The following CDYL2 variants were observed in gnomAD, a reference collection of about 807,000 sequenced individuals.
CDYL2 encodes chromodomain Y-like protein 2.
A neutral mutation model predicts 49.4 loss-of-function variants in CDYL2; 23 were observed. That is an observed-to-expected ratio of 0.47 (90% CI 0.34 to 0.66). CDYL2 has a LOEUF of 0.66. CDYL2 is among the 30% of genes least tolerant of loss of function. CDYL2 has a pLI of 0.01. For synonymous variants in CDYL2, 360 were observed against 268.8 expected (o/e 1.34, Z -3.32); for missense variants, 678 against 656.4 (o/e 1.03, Z -0.36).
intron 3 of CDYL2, among the ~76,000 whole-genome samples, chr16:80,622,514 T>C (rs1338348648): frequency 1.3e-5 from 2 of 152,216 alleles, no homozygotes; most frequent in Non-Finnish European, 2.9e-5. Flanking sequence ...TTGTCCACAC[T>C]TGCTCAACTG....
intron 1 of CDYL2, among the ~76,000 whole-genome samples, chr16:80,725,115 G>A (rs1905122256): frequency 1.3e-5 from 2 of 152,046 alleles, no homozygotes; most frequent in South Asian, 2.1e-4. Context: ...CAGAGCCTTG[G>A]TGGGCATTGT....
At chr16:80,711,225 A>G (rs1904584527) in intron 1 of CDYL2, among the ~76,000 whole-genome samples, 1 of 152,198 alleles carries the variant, frequency 6.6e-6, no homozygotes. Context: ...TTTCTGGACA[A>G]AGCAGATGGC....
chr16:80,789,498 G>A (rs559171772), intron 1 of CDYL2, among the ~76,000 whole-genome samples: 6 of 152,188 alleles, frequency 3.9e-5, no homozygotes, highest in African/African-American at 1.4e-4. Flanking sequence ...TACTCAGGAG[G>A]CTGAGGCAGA....
intron 1 of CDYL2, among the ~76,000 whole-genome samples, chr16:80,756,378 G>T (rs889879850): frequency 5.3e-5 from 8 of 151,858 alleles, no homozygotes; most frequent in African/African-American, 1.9e-4. Flanking sequence ...ATTTAACAAG[G>T]GAATTTGTTA....
chr16:80,773,486 G>C (rs1285105684), intron 1 of CDYL2, among the ~76,000 whole-genome samples: 1 of 152,036 alleles, frequency 6.6e-6, no homozygotes, highest in Admixed American at 6.6e-5. Context: ...ATATAATCTT[G>C]ACCTAAAACA....
chr16:80,725,209 T>TACAC (rs369481037), intron 1 of CDYL2, among the ~76,000 whole-genome samples: 1 of 147,468 alleles, frequency 6.8e-6, no homozygotes, highest in African/African-American at 2.5e-5. Flanking sequence ...CACACACACA[T>TACAC]ACACACACAC....
chr16:80,675,219 T>C (rs1424475199), intron 2 of CDYL2, among the ~76,000 whole-genome samples: 1 of 152,182 alleles, frequency 6.6e-6, no homozygotes, highest in Non-Finnish European at 1.5e-5. Flanking sequence ...TTTACAAAAC[T>C]GGTCACAGAC....
intron 1 of CDYL2, among the ~76,000 whole-genome samples, chr16:80,775,968 CAGTAACACTGCAAAAGA>C (rs1907068974): frequency 6.6e-6 from 1 of 151,664 alleles, no homozygotes; most frequent in Non-Finnish European, 1.5e-5. Context: ...CACAAAAATT[CAGTAACACTGCAAAAGA>C]AGTTACGTAT....
intron 1 of CDYL2, among the ~76,000 whole-genome samples, chr16:80,719,326 A>G (rs1001965637): frequency 2.0e-5 from 3 of 152,204 alleles, no homozygotes; most frequent in Non-Finnish European, 4.4e-5. Flanking sequence ...CTAACTGCTC[A>G]GTGCCTCCGT....
chr16:80,797,253 C>T (rs1907793493), intron 1 of CDYL2, among the ~76,000 whole-genome samples: 1 of 152,214 alleles, frequency 6.6e-6, no homozygotes, highest in South Asian at 2.1e-4. Flanking sequence ...ACACTCCAAA[C>T]TCACTGTCCT....
At chr16:80,620,676 G>C (rs1258928922) in intron 4 of CDYL2, 87 bp downstream of exon 4, 2 of 1,282,678 alleles carry the variant, frequency 1.6e-6, no homozygotes, top group Non-Finnish European at 2.1e-6. Context: ...CTGGTTGTTT[G>C]AAATTCGAAT....
intron 1 of CDYL2, among the ~76,000 whole-genome samples, chr16:80,702,713 G>A (rs1488970233): frequency 6.6e-6 from 1 of 152,200 alleles, no homozygotes; most frequent in Non-Finnish European, 1.5e-5. Flanking sequence ...TCGTACCACT[G>A]CATTCCAGCC....
chr16:80,710,226 C>T (rs541498974), intron 1 of CDYL2, among the ~76,000 whole-genome samples: 1 of 151,972 alleles, frequency 6.6e-6, no homozygotes, highest in African/African-American at 2.4e-5. Context: ...CATGCCTGGC[C>T]TGGCAGGCTG....
chr16:80,692,164 G>C (rs570121934), intron 1 of CDYL2, among the ~76,000 whole-genome samples: 1 of 152,326 alleles, frequency 6.6e-6, no homozygotes, highest in African/African-American at 2.4e-5. Context: ...TACGTCCTAA[G>C]TCTGCACGTC....
At chr16:80,762,826 C>G (rs1297499365) in intron 1 of CDYL2, among the ~76,000 whole-genome samples, 1 of 152,022 alleles carries the variant, frequency 6.6e-6, no homozygotes, top group Non-Finnish European at 1.5e-5. Context: ...TCCCTGGTGT[C>G]CCTAAATGCA....
At chr16:80,773,398 G>A (rs75797926) in intron 1 of CDYL2, among the ~76,000 whole-genome samples, 10,029 of 152,114 alleles carry the variant, frequency 0.066, 383 homozygotes, top group African/African-American at 0.1. Context: ...TTTCACACAT[G>A]CCTCTCAATA....
At chr16:80,677,427 T>C (rs554450416) in intron 2 of CDYL2, among the ~76,000 whole-genome samples, 1 of 152,200 alleles carries the variant, frequency 6.6e-6, no homozygotes, top group South Asian at 2.1e-4. Context: ...AGAAGCACCA[T>C]ACCCATCTAT....
chr16:80,607,602 G>A (rs1906398263), intron 6 of CDYL2, among the ~76,000 whole-genome samples: 1 of 152,186 alleles, frequency 6.6e-6, no homozygotes, highest in South Asian at 2.1e-4. Flanking sequence ...CTCTGCAGAG[G>A]TGTTATTTGT....
chr16:80,700,387 AAAATT>A (rs1448733355), intron 1 of CDYL2, among the ~76,000 whole-genome samples: 7 of 152,382 alleles, frequency 4.6e-5, no homozygotes, highest in Non-Finnish European at 8.8e-5. Flanking sequence ...CATCAAAAAT[AAAATT>A]AAATGACAAT....
Sources: gnomAD v4.1 joint callset for allele counts (sites outside exome capture counted in the v4.1 genomes callset) on GRCh38, gnomAD v4.1.1 for gene constraint, MANE v1.5 for transcripts, NCBI Gene and HGNC (gene_info 2026-07-23, HGNC 2026-07-21) for gene names.